TMEM179: variants seen among roughly 807,000 people sequenced by gnomAD.
TMEM179 encodes the protein transmembrane protein 179A.
In TMEM179, 17 loss-of-function variants were observed where a neutral mutation model predicts 22.2. That is an observed-to-expected ratio of 0.77 (90% confidence interval 0.52 to 1.15). The LOEUF is 1.15. Ranked by LOEUF, TMEM179 falls within the 50% of genes most tolerant of loss-of-function variation. The probability of loss-of-function intolerance (pLI) is 0.00; values close to 1 mark genes in which losing one functional copy is unlikely to be tolerated. For missense variants in TMEM179, 265 were observed against 313.6 expected (o/e 0.84, Z 1.17); for synonymous variants, 127 against 140.5 (o/e 0.90, Z 0.68).
chr14:104,601,814 C>T (rs1887249488), intron 1 of TMEM179, among the ~76,000 whole-genome samples: 1 of 152,170 alleles, frequency 6.6e-6, no homozygotes, highest in South Asian at 2.1e-4. Flanking sequence ...GCTGCCCGGA[C>T]CTGACCTCCA....
chr14:104,604,377 T>G lies in TMEM179; in HGVS notation c.305+60A>C. On this transcript the variant is annotated intron_variant, in intron 1 of 3. Coordinates refer to ENST00000556573, the MANE Select transcript of TMEM179 (RefSeq NM_001286389.2). The surrounding 1 kb of genome is among the most constrained non-coding windows in gnomAD (Gnocchi z 4.6). ...GGACTCGCGCGCCTCCCCGGGGAGG[T>G]GGGTCTGGGGGCGCTGGGGGCATGG... 3 of 1,400,912 alleles carry G rather than the reference T, an allele frequency of 2.1e-6. No homozygotes were observed. The highest frequency in any genetic ancestry group is 1.5e-5 in the South Asian group (1 of 65,422). The allele number at this position is 1,400,912 out of a possible 1,614,324, so 86.8% of individuals were successfully genotyped here.
At chr14:104,598,258 GC>G (rs1408076245) in intron 1 of TMEM179, among the ~76,000 whole-genome samples, 2 of 152,300 alleles carry the variant, frequency 1.3e-5, no homozygotes, top group African/African-American at 4.8e-5. Flanking sequence ...TCCAGTGGGA[GC>G]CCTGAGGGGG....
At chr14:104,602,414 G>A (rs561680708) in intron 1 of TMEM179, among the ~76,000 whole-genome samples, 112 of 152,316 alleles carry the variant, frequency 7.4e-4, no homozygotes, top group Non-Finnish European at 1.3e-3. Context: ...GTGCGTGAGC[G>A]ATGAACCAAC....
intron 1 of TMEM179, among the ~76,000 whole-genome samples, chr14:104,598,077 T>A (rs1415308042): frequency 6.6e-6 from 1 of 152,144 alleles, no homozygotes; most frequent in Non-Finnish European, 1.5e-5. Context: ...GGGCAGGTGG[T>A]CGGGACACCC....
chr14:104,603,442 G>A (rs1178403414), intron 1 of TMEM179, among the ~76,000 whole-genome samples: 1 of 151,886 alleles, frequency 6.6e-6, no homozygotes, highest in Admixed American at 6.5e-5. Flanking sequence ...ACAGGATCTC[G>A]GGCTGCTCCT....
Position 104,591,635 on chromosome 14 carries a change from C to A in TMEM179, c.*1844G>T. On this transcript the variant is annotated 3_prime_UTR_variant, in exon 4 of 4. Coordinates refer to ENST00000556573, the MANE Select transcript of TMEM179 (RefSeq NM_001286389.2). ...CCGATGGGCACCTGCCAGCCTCACT[C>A]CCGGGACCCAGGATGATGCCCCCAC... is the stretch of plus-strand genomic sequence containing the variant. The A allele has an allele frequency of 2.9e-6, 1 of 344,204 alleles. No individual in the cohort carries two copies. Among genetic ancestry groups the A allele is most frequent in the South Asian group, 2.1e-5 (1 of 46,994 alleles). 21.3% of individuals were successfully genotyped at this position (344,204 alleles called of 1,614,324 possible).
At chr14:104,598,209 C>CG (rs956631182) in intron 1 of TMEM179, among the ~76,000 whole-genome samples, 5 of 152,018 alleles carry the variant, frequency 3.3e-5, no homozygotes, top group Non-Finnish European at 7.4e-5. Flanking sequence ...ACGGAGGCTC[C>CG]GGGGGGTAGG....
At chr14:104,598,463 A>C (rs1887117472) in intron 1 of TMEM179, among the ~76,000 whole-genome samples, 1 of 152,256 alleles carries the variant, frequency 6.6e-6, no homozygotes, top group Non-Finnish European at 1.5e-5. Context: ...CCAAGAAAAC[A>C]TCAACGCTAC....
intron 1 of TMEM179, among the ~76,000 whole-genome samples, chr14:104,599,480 C>T (rs1181112182): frequency 1.3e-5 from 2 of 152,224 alleles, no homozygotes; most frequent in Non-Finnish European, 2.9e-5. Flanking sequence ...CATCTCTTGT[C>T]AACCAGCCCT....
intron 3 of TMEM179, chr14:104,594,640 TA>T: frequency 2.5e-6 from 3 of 1,222,388 alleles, no homozygotes; most frequent in East Asian, 3.2e-5. Flanking sequence ...CCAAGTCTCC[TA>T]GGGGGCGGGG....
chr14:104,591,665 A>G lies in TMEM179; in HGVS notation c.*1814T>C, dbSNP rs1886849382. 1 of 327,024 alleles carries G rather than the reference A, an allele frequency of 3.1e-6. No individual in the cohort carries two copies. The highest frequency in any genetic ancestry group is 2.3e-5 in the South Asian group (1 of 43,736). The allele number at this position is 327,024 out of a possible 1,614,324, so 20.3% of individuals were successfully genotyped here. The stretch of plus-strand genomic sequence containing the variant: ...GACCCAGGATGATGCCCCCACCAGG[A>G]CCCTCCATGTGGACCCAGGCACGTG... On this transcript the variant is annotated 3_prime_UTR_variant, in exon 4 of 4. Coordinates refer to ENST00000556573, the MANE Select transcript of TMEM179 (RefSeq NM_001286389.2).
intron 3 of TMEM179, chr14:104,594,621 C>T (rs1014633285): frequency 4.1e-6 from 5 of 1,227,104 alleles, no homozygotes; most frequent in Non-Finnish European, 5.1e-6. Context: ...GGGCCACCAT[C>T]GCCCTCCACC....
rs1886883472 is a variant in TMEM179, at chr14:104,592,548, ACACACT to A, written c.*925_*930del. On this transcript the variant is annotated 3_prime_UTR_variant, in exon 4 of 4. Transcript: ENST00000556573. ...CACACTCATATCCTCCCATGCAGTC[ACACACT>A]CTCACATGCAGTCACACCCTCTCGT... 6.5e-6 allele frequency: 1 copy of A among 154,186 alleles called. No individual in the cohort carries two copies. Among genetic ancestry groups the A allele is most frequent in the South Asian group, 1.8e-4 (1 of 5,580 alleles). 9.6% of individuals were successfully genotyped at this position (154,186 alleles called of 1,614,324 possible).
At position 104,597,283 on chromosome 14, in the gene TMEM179, T is replaced by C. The variant is rs1887064135; in HGVS notation, c.306-156A>G. Among the ~76,000 whole-genome samples, 1 of 151,988 alleles carries C rather than the reference T, an allele frequency of 6.6e-6. No homozygotes were observed. Among genetic ancestry groups the C allele is most frequent in the Non-Finnish European group, 1.5e-5 (1 of 67,974 alleles). On this transcript the variant is annotated intron_variant, in intron 1 of 3. Transcript: ENST00000556573. This position sits in a 1 kb window ranked among gnomAD's most constrained non-coding sequence, Gnocchi z 4.8. The stretch of plus-strand genomic sequence containing the variant: ...GCACCCCCCGGACCCTCAGGATTCC[T>C]GGGTTGGGCCCTGTGGGGCCTCAAG...
At position 104,591,160 on chromosome 14, in the gene TMEM179, G is replaced by A. The variant is rs371159046; in HGVS notation, c.*2319C>T. 1.3e-3 allele frequency: 462 copies of A among 349,312 alleles called. 5 individuals carry two copies. Among genetic ancestry groups the A allele is most frequent in the Middle Eastern group, 0.012 (11 of 936 alleles). The allele number at this position is 349,312 out of a possible 1,614,324, so 21.6% of individuals were successfully genotyped here. On this transcript the variant is annotated 3_prime_UTR_variant, in exon 4 of 4. Transcript: ENST00000556573. The stretch of plus-strand genomic sequence containing the variant: ...CTCCGGAGACAGCCCAGTCCAGGGT[G>A]GGTCTATGTCTGCATGCAGCCGAGG...
chr14:104,596,289 TGCATGGTGCCCCTCAGGGCGGG>T (rs904544645), intron 2 of TMEM179, among the ~76,000 whole-genome samples: 12 of 152,216 alleles, frequency 7.9e-5, no homozygotes, highest in Non-Finnish European at 1.0e-4. Context: ...CCTGGGGCAC[TGCATGGTGCCCCTCAGGGCGGG>T]GCATCCCACT....
rs1389665819 is a variant in TMEM179 at position 104,604,699 on chromosome 14, A to C, written c.43T>G (p.Phe15Val). 1 of 1,594,612 alleles carries C rather than the reference A, an allele frequency of 6.3e-7. No individual in the cohort carries two copies. Among genetic ancestry groups the C allele is most frequent in the South Asian group, 1.1e-5 (1 of 89,884 alleles). ...ACGAAGCTGAACAGGAAGGCCAAGA[A>C]GTAGCAGGCGCACTGAGCGAAAAGG... is the stretch of plus-strand genomic sequence containing the variant. ...NFLFAQCACYFLAFLFSFVVV... is the reference protein window; with the variant it reads ...NFLFAQCACYVLAFLFSFVVV... The change falls in exon 1 of 4, where the codon TTC becomes GTC. Residue 15 changes from phenylalanine to valine, a missense_variant. Physicochemically the swap from Phe to Val is conservative, Grantham distance 50. Transcript: ENST00000556573. This position sits in a 1 kb window ranked among gnomAD's most constrained non-coding sequence, Gnocchi z 4.6.
Position 104,595,376 on chromosome 14 carries a change from C to A in TMEM179, c.444-133G>T. Reference sequence around the variant, plus strand: ...CGAGGGGGTGGGCAGCAGGGAGTCTCTGGGGACATCACGGAGGGTTAGCCT... The same window carrying A: ...CGAGGGGGTGGGCAGCAGGGAGTCTATGGGGACATCACGGAGGGTTAGCCT... On this transcript the variant is annotated intron_variant, in intron 2 of 3. Transcript: ENST00000556573. The surrounding 1 kb of genome is among the most constrained non-coding windows in gnomAD (Gnocchi z 5.7). The A allele has an allele frequency of 1.2e-6, 1 of 830,968 alleles. No homozygotes were observed. The highest frequency in any genetic ancestry group is 1.7e-5 in the South Asian group (1 of 58,178). 51.5% of individuals were successfully genotyped at this position (830,968 alleles called of 1,614,324 possible).
rs974001650 is a variant in TMEM179, at chr14:104,604,512, G to A, written c.230C>T (p.Ala77Val). 1.3e-6 allele frequency: 2 copies of A among 1,569,028 alleles called. No homozygotes were observed. The highest frequency in any genetic ancestry group is 1.7e-6 in the Non-Finnish European group (2 of 1,159,912). Residue 77 changes from alanine (A) to valine (V), a missense_variant, in exon 1 of 4, where the codon GCC (alanine) becomes GTC (valine). Coordinates refer to ENST00000556573, the MANE Select transcript of TMEM179 (RefSeq NM_001286389.2). The surrounding 1 kb of genome is among the most constrained non-coding windows in gnomAD (Gnocchi z 4.6). ...PPAACRFSLLASLLSLLLAAA... is the reference protein window; with the variant it reads ...PPAACRFSLLVSLLSLLLAAA... ...GGCCAGCAGCAGAGACAGGAGGCTG[G>A]CGAGCAGGCTGAAGCGGCAGGCGGC...
Sources: allele counts gnomAD v4.1 joint callset (sites outside exome capture counted in the v4.1 genomes callset), GRCh38; gene constraint gnomAD v4.1.1; non-coding constraint Gnocchi (gnomAD v3.1); transcripts MANE v1.5; gene names NCBI Gene and HGNC (gene_info 2026-07-23, HGNC 2026-07-21).